The following CDH13 variants were observed in gnomAD, a reference collection of about 807,000 sequenced individuals.
CDH13 encodes the protein cadherin 13, also known as cadherin-13.
A neutral mutation model predicts 63.8 loss-of-function variants in CDH13; 24 were observed. The ratio of observed to expected loss-of-function variants is 0.38; its 90% CI spans 0.27 to 0.53. The LOEUF (loss-of-function observed/expected upper bound fraction) is 0.53. Among genes scored for constraint, CDH13 ranks in the 20% least tolerant of loss-of-function variants. The pLI is 0.85. For missense variants in CDH13, 1,049 were observed against 903.1 expected (o/e 1.16, Z -2.07); for synonymous variants, 503 against 355.3 (o/e 1.42, Z -4.67).
chr16:82,799,841 C>G (rs915934228), intron 1 of CDH13, among the ~76,000 whole-genome samples: 3 of 151,726 alleles, frequency 2.0e-5, no homozygotes, highest in African/African-American at 4.8e-5. Flanking sequence ...ATGTCTCTGC[C>G]TATCTACTGA....
At chr16:83,391,078 G>A (rs1318533135) in intron 6 of CDH13, among the ~76,000 whole-genome samples, 4 of 152,164 alleles carry the variant, frequency 2.6e-5, no homozygotes, top group South Asian at 2.1e-4. Flanking sequence ...ACTCAGGCCC[G>A]AGTGACCTCT....
intron 6 of CDH13, among the ~76,000 whole-genome samples, chr16:83,354,446 A>G (rs1163670297): frequency 2.0e-5 from 3 of 152,230 alleles, no homozygotes; most frequent in African/African-American, 7.2e-5. Context: ...CTGGGGATAT[A>G]GCAGTGACCA....
chr16:83,336,641 C>T (rs780639562), intron 5 of CDH13, among the ~76,000 whole-genome samples: 1 of 152,176 alleles, frequency 6.6e-6, no homozygotes, highest in Non-Finnish European at 1.5e-5. Context: ...ACTATATCAT[C>T]TCAAAAAAGC....
rs191093259 is a variant in CDH13 at position 83,042,542 on chromosome 16, T to C, written c.366+10324T>C. ...TACTTATCTCATTGTATATTACAAT[T>C]AACTAATAATAGAAATAAAGTGCAT... On this transcript the variant is annotated intron_variant, in intron 3 of 13. Coordinates refer to ENST00000567109, the MANE Select transcript of CDH13 (RefSeq NM_001257.5). Among the ~76,000 whole-genome samples the C allele has an allele frequency of 2.0e-3, 297 of 152,288 alleles. 1 individual carries two copies. The highest frequency in any genetic ancestry group is 2.9e-3 in the Non-Finnish European group (196 of 68,026).
chr16:83,503,538 C>G lies in CDH13; in HGVS notation c.960+16883C>G, dbSNP rs2074331322. On this transcript the variant is annotated intron_variant, in intron 7 of 13. Transcript: ENST00000567109. ...AGCTAGGGAGATGCCACTCAGCAAT[C>G]AGAAACCTCCATTCCTTTTCCTGGG... Among the ~76,000 whole-genome samples, 4 of 152,190 alleles carry G rather than the reference C, an allele frequency of 2.6e-5. No individual in the cohort carries two copies. In the South Asian group the frequency reaches 6.2e-4, roughly 24 times the overall value.
At chr16:83,180,848 ATG>A (rs1319181491) in intron 4 of CDH13, 1 of 1,483,984 alleles carries the variant, frequency 6.7e-7, no homozygotes, top group African/African-American at 1.4e-5. Context: ...TTACAACAAA[ATG>A]TGTTTTTTTT....
chr16:82,860,210 T>G (rs528396324), intron 2 of CDH13, among the ~76,000 whole-genome samples: 4 of 152,114 alleles, frequency 2.6e-5, no homozygotes, highest in Non-Finnish European at 4.4e-5. Context: ...GTATGGAAAT[T>G]AATAGAGTTG....
chr16:83,366,268 A>G (rs2091255661), intron 6 of CDH13, among the ~76,000 whole-genome samples: 2 of 152,226 alleles, frequency 1.3e-5, no homozygotes, highest in African/African-American at 2.4e-5. Context: ...TCATTCTTAA[A>G]TTAAAACAGC....
At chr16:83,031,530 C>G (rs553170197) in intron 2 of CDH13, among the ~76,000 whole-genome samples, 19 of 151,684 alleles carry the variant, frequency 1.3e-4, no homozygotes, top group Admixed American at 2.0e-4. Flanking sequence ...CTATTTAGCC[C>G]TCATCCCTGT....
intron 2 of CDH13, among the ~76,000 whole-genome samples, chr16:82,976,306 G>A (rs1349292093): frequency 1.3e-5 from 2 of 152,088 alleles, no homozygotes; most frequent in Non-Finnish European, 2.9e-5. Context: ...ACGTGCCCAG[G>A]TGGGGGCCGA....
intron 3 of CDH13, among the ~76,000 whole-genome samples, chr16:83,090,045 G>C (rs1159538851): frequency 6.6e-6 from 1 of 152,070 alleles, no homozygotes; most frequent in Non-Finnish European, 1.5e-5. Context: ...TAAAAGTCAG[G>C]GCTTGGGCAT....
At chr16:83,692,053 C>T (rs768089490) in intron 10 of CDH13, among the ~76,000 whole-genome samples, 1 of 152,190 alleles carries the variant, frequency 6.6e-6, no homozygotes, top group Non-Finnish European at 1.5e-5. Flanking sequence ...GGAAATGTGA[C>T]TCAATGACAG....
intron 8 of CDH13, among the ~76,000 whole-genome samples, chr16:83,633,329 A>T (rs1368371022): frequency 2.0e-5 from 3 of 152,190 alleles, no homozygotes; most frequent in African/African-American, 7.2e-5. Context: ...TGTTCATTTT[A>T]TTGGCTAAGA....
At chr16:82,837,190 C>T (rs943511156) in intron 1 of CDH13, among the ~76,000 whole-genome samples, 1 of 152,150 alleles carries the variant, frequency 6.6e-6, no homozygotes, top group Non-Finnish European at 1.5e-5. Flanking sequence ...CGTGGATTTT[C>T]CCTCAGGCTC....
intron 2 of CDH13, among the ~76,000 whole-genome samples, chr16:82,904,345 T>C (rs1002164500): frequency 6.6e-6 from 1 of 152,356 alleles, no homozygotes; most frequent in East Asian, 1.9e-4. Context: ...AGTAGCTTTC[T>C]ATTTAGTCTC....
intron 2 of CDH13, among the ~76,000 whole-genome samples, chr16:83,010,634 C>A (rs904800219): frequency 1.3e-5 from 2 of 152,100 alleles, no homozygotes; most frequent in Non-Finnish European, 2.9e-5. Context: ...TTCAGAAATA[C>A]CTCCTTGTGG....
chr16:82,957,398 C>A (rs10492867), intron 2 of CDH13, among the ~76,000 whole-genome samples: 6,239 of 152,212 alleles, frequency 0.041, 256 homozygotes, highest in East Asian at 0.15. Flanking sequence ...GGAATCACAC[C>A]ATTTTTTGCT....
intron 2 of CDH13, among the ~76,000 whole-genome samples, chr16:82,873,246 T>A (rs2040401681): frequency 6.6e-6 from 1 of 152,192 alleles, no homozygotes; most frequent in Non-Finnish European, 1.5e-5. Context: ...GGAGGAGGGC[T>A]GTCATTTGAT....
At chr16:83,561,609 G>A (rs2075710462) in intron 7 of CDH13, among the ~76,000 whole-genome samples, 2 of 152,030 alleles carry the variant, frequency 1.3e-5, no homozygotes, top group South Asian at 2.1e-4. Context: ...GCACTTTACA[G>A]GTTAAATTCA....
Sources: allele counts gnomAD v4.1 joint callset (sites outside exome capture counted in the v4.1 genomes callset), GRCh38; gene constraint gnomAD v4.1.1; transcripts MANE v1.5; gene names NCBI Gene and HGNC (gene_info 2026-07-23, HGNC 2026-07-21).